The following CCDC178 variants were observed in gnomAD, a reference collection of about 807,000 sequenced individuals.
The protein encoded by CCDC178 is coiled-coil domain-containing protein 178.
CCDC178 carries 126 observed loss-of-function variants against 117.4 expected under a neutral mutation model. The observed-to-expected ratio is 1.07, with a 90% CI of 0.93 to 1.24. The LOEUF is 1.24. Ranked by LOEUF, CCDC178 falls within the 50% of genes most tolerant of loss-of-function variation. CCDC178 has a pLI of 0.00. For synonymous variants in CCDC178, 283 were observed against 313.4 expected, an observed-to-expected ratio of 0.90 and a Z score of 1.02; for missense variants, 1,030 against 986.9, an observed-to-expected ratio of 1.04 and a Z score of -0.59.
intron 20 of CCDC178, among the ~76,000 whole-genome samples, chr18:33,159,060 C>T (rs1437683709): frequency 1.3e-5 from 2 of 151,924 alleles, no homozygotes; most frequent in Admixed American, 6.6e-5. Context: ...GAAAAATGTT[C>T]TTATGAATAA....
intron 14 of CCDC178, among the ~76,000 whole-genome samples, chr18:33,264,033 AT>A (rs1386043000): frequency 6.6e-6 from 1 of 152,134 alleles, no homozygotes; most frequent in East Asian, 1.9e-4. Flanking sequence ...GATTATAACT[AT>A]TCACACTGTT....
At chr18:33,156,472 A>G (rs402801) in intron 20 of CCDC178, among the ~76,000 whole-genome samples, 24,358 of 151,688 alleles carry the variant, frequency 0.16, 2,727 homozygotes, top group African/African-American at 0.32. Flanking sequence ...TAGCAAAAAT[A>G]ATAGGCATTG....
At chr18:33,411,099 C>A (rs2063844633) in intron 3 of CCDC178, among the ~76,000 whole-genome samples, 2 of 152,180 alleles carry the variant, frequency 1.3e-5, no homozygotes, top group African/African-American at 2.4e-5. Context: ...ATCAGCAGAA[C>A]CATCCAGCCG....
chr18:33,306,092 G>C (rs2062244088), intron 11 of CCDC178, among the ~76,000 whole-genome samples: 1 of 152,110 alleles, frequency 6.6e-6, no homozygotes, highest in Admixed American at 6.5e-5. Flanking sequence ...TGCCTGCTTT[G>C]AATCTGCTGT....
intron 11 of CCDC178, among the ~76,000 whole-genome samples, chr18:33,305,223 G>A (rs535858449): frequency 7.2e-5 from 11 of 152,272 alleles, no homozygotes; most frequent in Admixed American, 3.9e-4. Flanking sequence ...GTTTACAACC[G>A]CATCTGCCAG....
intron 15 of CCDC178, among the ~76,000 whole-genome samples, chr18:33,228,620 G>A (rs1315438046): frequency 6.6e-6 from 1 of 152,222 alleles, no homozygotes; most frequent in Non-Finnish European, 1.5e-5. Context: ...AACATCTGGA[G>A]CTTCTGTCTA....
At chr18:33,062,585 C>G (rs1316077787) in intron 21 of CCDC178, among the ~76,000 whole-genome samples, 1 of 152,132 alleles carries the variant, frequency 6.6e-6, no homozygotes, top group Non-Finnish European at 1.5e-5. Flanking sequence ...CAAGAGAGCC[C>G]CAGCAGTCTA....
rs115356716 is a variant in CCDC178, at chr18:33,138,170, T to C, written c.2239-45260A>G. Among the ~76,000 whole-genome samples, 281 of 152,334 alleles carry C rather than the reference T, an allele frequency of 1.8e-3. 2 individuals carry two copies. The highest frequency in any genetic ancestry group is 6.4e-3 in the African/African-American group (264 of 41,574). Reference sequence around the variant, plus strand: ...AAGCCTTGGTGTATAAATGTTATGCTCTGTTATGCTAGCATTCTAAACTTC... The same window carrying C: ...AAGCCTTGGTGTATAAATGTTATGCCCTGTTATGCTAGCATTCTAAACTTC... On this transcript the variant is annotated intron_variant, in intron 20 of 22. Coordinates refer to ENST00000383096, the MANE Select transcript of CCDC178 (RefSeq NM_001105528.4).
At chr18:33,047,970 G>A (rs1343011023) in intron 21 of CCDC178, among the ~76,000 whole-genome samples, 1 of 152,150 alleles carries the variant, frequency 6.6e-6, no homozygotes, top group Admixed American at 6.5e-5. Flanking sequence ...CCCTCAAAAA[G>A]ATATGTTGAA....
intron 21 of CCDC178, among the ~76,000 whole-genome samples, chr18:32,984,585 A>G (rs1005447284): frequency 3.3e-5 from 5 of 149,492 alleles, no homozygotes; most frequent in Non-Finnish European, 7.4e-5. Flanking sequence ...GCTAAAATTC[A>G]CACTGAAATC....
chr18:33,061,040 C>T (rs561667325), intron 21 of CCDC178, among the ~76,000 whole-genome samples: 70 of 152,096 alleles, frequency 4.6e-4, no homozygotes, highest in African/African-American at 1.6e-3. Context: ...AGAAAATTTG[C>T]ACAATTATTT....
chr18:33,426,768 C>G (rs531465846), intron 2 of CCDC178, among the ~76,000 whole-genome samples: 2 of 152,240 alleles, frequency 1.3e-5, no homozygotes, highest in African/African-American at 4.8e-5. Context: ...CTGAAGAGAT[C>G]TGAAACAGCA....
intron 11 of CCDC178, among the ~76,000 whole-genome samples, chr18:33,315,629 C>T (rs1337349242): frequency 6.6e-6 from 1 of 152,182 alleles, no homozygotes; most frequent in African/African-American, 2.4e-5. Context: ...GGAAAAAATT[C>T]ACTCCTCTAA....
chr18:33,106,834 T>C (rs1464035660), intron 20 of CCDC178, among the ~76,000 whole-genome samples: 2 of 151,678 alleles, frequency 1.3e-5, no homozygotes, highest in African/African-American at 4.8e-5. Flanking sequence ...ATTTAAAATA[T>C]GTATGGGAAT....
intron 21 of CCDC178, among the ~76,000 whole-genome samples, chr18:32,983,090 C>T (rs1023776095): frequency 6.6e-6 from 1 of 151,778 alleles, no homozygotes; most frequent in African/African-American, 2.4e-5. Context: ...TCTGTACCTT[C>T]CACTCCATTT....
intron 6 of CCDC178, among the ~76,000 whole-genome samples, chr18:33,365,834 A>C (rs992202817): frequency 6.6e-6 from 1 of 152,116 alleles, no homozygotes; most frequent in East Asian, 1.9e-4. Context: ...TAGAGGAAAA[A>C]AATAAAACAA....
intron 21 of CCDC178, among the ~76,000 whole-genome samples, chr18:33,065,452 A>G (rs1475545947): frequency 6.6e-6 from 1 of 152,216 alleles, no homozygotes; most frequent in African/African-American, 2.4e-5. Context: ...AAGTCATCCA[A>G]TACTTGAATT....
intron 20 of CCDC178, among the ~76,000 whole-genome samples, chr18:33,106,902 C>T (rs573177579): frequency 6.6e-6 from 1 of 151,724 alleles, no homozygotes; most frequent in South Asian, 2.1e-4. Flanking sequence ...AGGCTACAAG[C>T]CAAGGAATGC....
In CCDC178 at chr18:33,362,907, T is replaced by A. The variant is rs189931151; in HGVS notation, c.349-6561A>T. ...GCTCACTTAAAAATGGTTAATTTTA[T>A]GCGATGTGAATTGCACCTCAACTTT... On this transcript the variant is annotated intron_variant, in intron 6 of 22. Coordinates refer to ENST00000383096, the MANE Select transcript of CCDC178 (RefSeq NM_001105528.4). 2.9e-3 allele frequency among the ~76,000 whole-genome samples: 436 copies of A among 151,770 alleles called. 2 individuals are homozygous for A. Among genetic ancestry groups the A allele is most frequent in the African/African-American group, 1.0e-2 (413 of 41,388 alleles).
Sources: allele counts gnomAD v4.1 joint callset (sites outside exome capture counted in the v4.1 genomes callset), GRCh38; gene constraint gnomAD v4.1.1; transcripts MANE v1.5; gene names NCBI Gene and HGNC (gene_info 2026-07-23, HGNC 2026-07-21).